ACVR1B: variants seen among roughly 807,000 people sequenced by gnomAD.
The protein encoded by ACVR1B is activin receptor type-1B.
Under a neutral mutation model 55.6 loss-of-function variants are expected in ACVR1B, and 15 were observed. The observed-to-expected ratio is 0.27, with a 90% CI of 0.18 to 0.42. ACVR1B has a LOEUF of 0.42. ACVR1B is among the 10% of genes least tolerant of loss of function. The pLI is 1.00. For synonymous variants in ACVR1B, 247 were observed against 254.6 expected (o/e 0.97, Z 0.28); for missense variants, 359 against 670.1 (o/e 0.54, Z 5.13).
intron 8 of ACVR1B, among the ~76,000 whole-genome samples, chr12:51,992,801 G>A (rs933450091): frequency 2.6e-5 from 4 of 152,228 alleles, no homozygotes; most frequent in Non-Finnish European, 5.9e-5. Context: ...AGAGACGGCA[G>A]ATGAAATCAG....
intron 1 of ACVR1B, among the ~76,000 whole-genome samples, chr12:51,971,788 T>C (rs1428549395): frequency 2.0e-5 from 3 of 152,164 alleles, no homozygotes; most frequent in Admixed American, 2.0e-4. Context: ...GGGTCAGTGA[T>C]CAAACAGTGT....
chr12:51,980,841 C>A, intron 3 of ACVR1B, 128 bp from the exon 4 acceptor site: 1 of 746,508 alleles, frequency 1.3e-6, no homozygotes. Context: ...AGCAGCTCTC[C>A]ATGGTTAATG....
intron 1 of ACVR1B, among the ~76,000 whole-genome samples, chr12:51,973,970 C>G (rs554032064): frequency 6.6e-6 from 1 of 152,246 alleles, no homozygotes; most frequent in African/African-American, 2.4e-5. Context: ...CCAAGAGATG[C>G]CTTTCAGAAT....
chr12:51,994,836 A>T lies in ACVR1B; in HGVS notation c.*726A>T, dbSNP rs1035882983. 6.5e-6 allele frequency: 1 copy of T among 153,018 alleles called. No individual in the cohort carries two copies. Among genetic ancestry groups the T allele is most frequent in the African/African-American group, 2.4e-5 (1 of 41,398 alleles). 9.5% of individuals were successfully genotyped at this position (153,018 alleles called of 1,614,324 possible). The stretch of plus-strand genomic sequence containing the variant: ...TCCGTGCTTGCTGGTGCCTCTTTTC[A>T]GTAGTGAGCAGCATCTAGTTTCCCT... On this transcript the variant is annotated 3_prime_UTR_variant, in exon 9 of 9. Coordinates refer to ENST00000257963, the MANE Select transcript of ACVR1B (RefSeq NM_004302.5). This position sits in a 1 kb window ranked among gnomAD's most constrained non-coding sequence, Gnocchi z 4.2.
rs1035287176 is a variant in ACVR1B, at chr12:51,991,393, A to T, written c.1262-470A>T. 6.6e-5 allele frequency among the ~76,000 whole-genome samples: 10 copies of T among 151,704 alleles called. No individual in the cohort carries two copies. In the South Asian group the frequency reaches 2.1e-3, roughly 32 times the overall value. On this transcript the variant is annotated intron_variant, in intron 7 of 8. Coordinates refer to ENST00000257963, the MANE Select transcript of ACVR1B (RefSeq NM_004302.5). ...AAAATGTTCCTGGCTACTCTTTTGT[A>T]TTTCTTTTTGTTTAGTTGTTTTGTT...
intron 1 of ACVR1B, among the ~76,000 whole-genome samples, chr12:51,959,368 A>C (rs952005939): frequency 7.9e-5 from 12 of 152,252 alleles, no homozygotes; most frequent in Non-Finnish European, 1.5e-4. Flanking sequence ...CGATCCCAAC[A>C]GCCACATGGC....
intron 7 of ACVR1B, among the ~76,000 whole-genome samples, chr12:51,989,688 T>C (rs1167169974): frequency 6.6e-6 from 1 of 152,138 alleles, no homozygotes; most frequent in Non-Finnish European, 1.5e-5. Context: ...TACCACACTT[T>C]AAAAAATGAA....
At chr12:51,962,988 C>T (rs573336066) in intron 1 of ACVR1B, among the ~76,000 whole-genome samples, 9 of 151,980 alleles carry the variant, frequency 5.9e-5, no homozygotes, top group Admixed American at 4.6e-4. Context: ...TTCCCGGACA[C>T]GGTGGAGAGT....
At chr12:51,978,960 T>TTGAGACCAGCCTGACTAACATGG (rs1403200900) in intron 3 of ACVR1B, among the ~76,000 whole-genome samples, 1 of 151,506 alleles carries the variant, frequency 6.6e-6, no homozygotes, top group African/African-American at 2.4e-5. Context: ...GGTCAAAAGT[T>TTGAGACCAGCCTGACTAACATGG]TGAGACCAGC....
Position 51,994,193 on chromosome 12 carries a change from C to T in ACVR1B, c.*83C>T. 2 of 1,558,546 alleles carry T rather than the reference C, an allele frequency of 1.3e-6. No homozygotes were observed. The highest frequency in any genetic ancestry group is 1.7e-6 in the Non-Finnish European group (2 of 1,155,362). Reference sequence around the variant, plus strand: ...TTGAGCGTACGATGGAGGCCTACCTCTCGTTTCTGCCCAGCCCTCTGTGGC... The same window carrying T: ...TTGAGCGTACGATGGAGGCCTACCTTTCGTTTCTGCCCAGCCCTCTGTGGC... On this transcript the variant is annotated 3_prime_UTR_variant, in exon 9 of 9. Transcript: ENST00000257963. This position sits in a 1 kb window ranked among gnomAD's most constrained non-coding sequence, Gnocchi z 4.2.
intron 3 of ACVR1B, among the ~76,000 whole-genome samples, chr12:51,978,982 G>A (rs538761508): frequency 6.6e-6 from 1 of 151,850 alleles, no homozygotes; most frequent in South Asian, 2.1e-4. Context: ...TGACTAACAT[G>A]GTGAAACCTC....
intron 1 of ACVR1B, among the ~76,000 whole-genome samples, chr12:51,970,208 G>A (rs570928309): frequency 9.5e-4 from 144 of 152,296 alleles, no homozygotes; most frequent in Middle Eastern, 6.8e-3. Context: ...TGTGGCCGTG[G>A]CCCTGCTGGC....
chr12:51,979,239 G>A (rs1484240874), intron 3 of ACVR1B, among the ~76,000 whole-genome samples: 1 of 151,494 alleles, frequency 6.6e-6, no homozygotes, highest in Non-Finnish European at 1.5e-5. Context: ...GCCGAGGCGG[G>A]TAGATCACCT....
intron 3 of ACVR1B, 102 bp downstream of exon 3, chr12:51,976,677 T>C: frequency 6.9e-7 from 1 of 1,450,326 alleles, no homozygotes; most frequent in South Asian, 1.3e-5. Context: ...CATTTGTTTC[T>C]ACCAGCATTG....
At chr12:51,970,697 A>T (rs1251151529) in intron 1 of ACVR1B, among the ~76,000 whole-genome samples, 3 of 152,166 alleles carry the variant, frequency 2.0e-5, no homozygotes, top group African/African-American at 4.8e-5. Context: ...TGAATTTCTC[A>T]TCTGGAAAGA....
chr12:51,988,256 G>A (rs1277158320), intron 7 of ACVR1B, among the ~76,000 whole-genome samples: 6 of 152,144 alleles, frequency 3.9e-5, no homozygotes, highest in Admixed American at 3.9e-4. Context: ...GGATCACGAG[G>A]TCAAGAGATC....
chr12:51,973,050 C>G (rs1941775633), intron 1 of ACVR1B, among the ~76,000 whole-genome samples: 1 of 152,146 alleles, frequency 6.6e-6, no homozygotes, highest in Non-Finnish European at 1.5e-5. Context: ...TGTCTTACAC[C>G]AAGATTGTTT....
At chr12:51,990,783 C>G (rs1467750810) in intron 7 of ACVR1B, among the ~76,000 whole-genome samples, 1 of 152,176 alleles carries the variant, frequency 6.6e-6, no homozygotes, top group Non-Finnish European at 1.5e-5. Context: ...TTTCTTCCCA[C>G]TCTGTTTTTT....
At chr12:51,993,512 C>T (rs1942234365) in intron 8 of ACVR1B, among the ~76,000 whole-genome samples, 1 of 152,024 alleles carries the variant, frequency 6.6e-6, no homozygotes, top group Non-Finnish European at 1.5e-5. Context: ...TGCCTGTAAT[C>T]CCAGCACTTT....
Sources: allele counts gnomAD v4.1 joint callset (sites outside exome capture counted in the v4.1 genomes callset), GRCh38; gene constraint gnomAD v4.1.1; non-coding constraint Gnocchi (gnomAD v3.1); transcripts MANE v1.5; gene names NCBI Gene and HGNC (gene_info 2026-07-23, HGNC 2026-07-21).